Variants in TMEM132D observed in about 807,000 individuals in gnomAD.
TMEM132D encodes transmembrane protein 132D, also known as mature OL transmembrane protein.
TMEM132D carries 21 observed loss-of-function variants against 62.3 expected under a neutral mutation model. That is an observed-to-expected ratio of 0.34 (90% CI 0.24 to 0.49). The LOEUF (loss-of-function observed/expected upper bound fraction) is 0.49. Ranked by LOEUF, TMEM132D falls within the 20% of genes least tolerant of loss-of-function variation. TMEM132D has a pLI of 0.99. For synonymous variants in TMEM132D, 621 were observed against 575.6 expected, an observed-to-expected ratio of 1.08 and a Z score of -1.13; for missense variants, 1,346 against 1,402.8, an observed-to-expected ratio of 0.96 and a Z score of 0.65.
chr12:129,794,130 C>T (rs554893543), intron 1 of TMEM132D, among the ~76,000 whole-genome samples: 75 of 150,926 alleles, frequency 5.0e-4, no homozygotes, highest in African/African-American at 1.8e-3. Context: ...GCTCTGTCAC[C>T]CAGGCTGGAG....
chr12:129,560,785 A>G (rs1877201999), intron 2 of TMEM132D, among the ~76,000 whole-genome samples: 1 of 152,252 alleles, frequency 6.6e-6, no homozygotes, highest in Non-Finnish European at 1.5e-5. Context: ...GGGAGAGTCA[A>G]GAGTGGCTCT....
At chr12:129,430,853 T>C (rs754907831) in intron 3 of TMEM132D, among the ~76,000 whole-genome samples, 5 of 152,070 alleles carry the variant, frequency 3.3e-5, no homozygotes, top group Non-Finnish European at 7.4e-5. Context: ...CTCCTTAAAA[T>C]GGGGGAGGTA....
At chr12:129,388,755 A>G (rs201029193) in intron 3 of TMEM132D, among the ~76,000 whole-genome samples, 2 of 126,608 alleles carry the variant, frequency 1.6e-5, no homozygotes, top group Admixed American at 1.6e-4. Context: ...CAGCAACACC[A>G]ATACTAACAC....
chr12:129,243,603 T>C (rs1308842869), intron 4 of TMEM132D, among the ~76,000 whole-genome samples: 1 of 152,236 alleles, frequency 6.6e-6, no homozygotes, highest in Non-Finnish European at 1.5e-5. Flanking sequence ...GGAAACAGTT[T>C]GGCCTTTGGC....
At chr12:129,398,582 AG>A (rs1451952449) in intron 3 of TMEM132D, among the ~76,000 whole-genome samples, 1 of 152,182 alleles carries the variant, frequency 6.6e-6, no homozygotes, top group Non-Finnish European at 1.5e-5. Context: ...GCAAAGGAGG[AG>A]GGGGTTGGCT....
At chr12:129,864,682 C>T (rs1874003356) in intron 1 of TMEM132D, among the ~76,000 whole-genome samples, 2 of 152,194 alleles carry the variant, frequency 1.3e-5, no homozygotes, top group Non-Finnish European at 2.9e-5. Flanking sequence ...GATCAAGCTA[C>T]GCCTGAAGGT....
At chr12:129,168,913 GCTGA>G (rs1327173428) in intron 5 of TMEM132D, among the ~76,000 whole-genome samples, 1 of 152,114 alleles carries the variant, frequency 6.6e-6, no homozygotes, top group Non-Finnish European at 1.5e-5. Context: ...ACCCTGGAAG[GCTGA>G]CTGACTTCCT....
intron 2 of TMEM132D, among the ~76,000 whole-genome samples, chr12:129,619,522 G>A (rs1879007592): frequency 6.6e-6 from 1 of 152,070 alleles, no homozygotes; most frequent in Non-Finnish European, 1.5e-5. Flanking sequence ...TATTCCTAAG[G>A]GATTCATTTG....
chr12:129,752,116 C>A (rs1870016613), intron 1 of TMEM132D, among the ~76,000 whole-genome samples: 1 of 151,766 alleles, frequency 6.6e-6, no homozygotes, highest in Admixed American at 6.6e-5. Context: ...GATCATAACC[C>A]CAGCCATTCA....
chr12:129,488,609 G>T (rs1874660236), intron 3 of TMEM132D, among the ~76,000 whole-genome samples: 2 of 152,162 alleles, frequency 1.3e-5, no homozygotes. Flanking sequence ...GGAGGCAGAG[G>T]TTGCAGTGAG....
At chr12:129,310,665 C>T (rs141705524) in intron 4 of TMEM132D, among the ~76,000 whole-genome samples, 12 of 152,260 alleles carry the variant, frequency 7.9e-5, no homozygotes, top group Admixed American at 5.2e-4. Flanking sequence ...TCAGTACATC[C>T]GGTAAAAGGA....
At chr12:129,133,620 A>T (rs1003048358) in intron 5 of TMEM132D, among the ~76,000 whole-genome samples, 7 of 152,164 alleles carry the variant, frequency 4.6e-5, no homozygotes, top group African/African-American at 1.7e-4. Context: ...TCTGATTATG[A>T]TGGTGGTGGT....
At chr12:129,514,369 T>C (rs1593046117) in intron 3 of TMEM132D, among the ~76,000 whole-genome samples, 1 of 152,330 alleles carries the variant, frequency 6.6e-6, no homozygotes, top group Middle Eastern at 3.4e-3. Flanking sequence ...GACTCTTAAC[T>C]GATATAGAAA....
At chr12:129,783,521 A>G (rs576273504) in intron 1 of TMEM132D, among the ~76,000 whole-genome samples, 1 of 152,296 alleles carries the variant, frequency 6.6e-6, no homozygotes, top group South Asian at 2.1e-4. Context: ...TGAACAAACG[A>G]GAATTATATT....
chr12:129,108,698 C>T (rs1875583001), intron 5 of TMEM132D, among the ~76,000 whole-genome samples: 1 of 152,214 alleles, frequency 6.6e-6, no homozygotes, highest in Non-Finnish European at 1.5e-5. Flanking sequence ...TCCCAAACTT[C>T]AGCAGTGCTC....
At chr12:129,631,649 G>A (rs748011167) in intron 2 of TMEM132D, among the ~76,000 whole-genome samples, 4 of 152,208 alleles carry the variant, frequency 2.6e-5, no homozygotes, top group East Asian at 1.9e-4. Context: ...CCGGTGATGC[G>A]TCTGATAAAC....
intron 3 of TMEM132D, among the ~76,000 whole-genome samples, chr12:129,501,974 C>A (rs771799626): frequency 1.2e-4 from 18 of 151,158 alleles, no homozygotes; most frequent in Non-Finnish European, 1.8e-4. Flanking sequence ...CCCAGACTTA[C>A]AATACCCATT....
intron 1 of TMEM132D, among the ~76,000 whole-genome samples, chr12:129,832,151 A>G (rs1322537406): frequency 6.7e-6 from 1 of 148,694 alleles, no homozygotes; most frequent in Non-Finnish European, 1.5e-5. Flanking sequence ...CCTCCCAAAG[A>G]GCTGGGATTA....
chr12:129,531,254 G>A lies in TMEM132D; in HGVS notation c.969-49C>T, dbSNP rs370086615. 1,728 of 1,540,400 alleles carry A rather than the reference G, an allele frequency of 1.1e-3. 4 individuals are homozygous for A. Among genetic ancestry groups the A allele is most frequent in the Non-Finnish European group, 1.4e-3 (1,580 of 1,138,692 alleles). ...TCTGAGTCAGCTCTGGGGAATCCCC[G>A]GGTCATGCTGGTTCTGGGAACACGG... On this transcript the variant is annotated intron_variant, in intron 2 of 8. Transcript: ENST00000422113.
Sources: allele counts gnomAD v4.1 joint callset (sites outside exome capture counted in the v4.1 genomes callset), GRCh38; gene constraint gnomAD v4.1.1; transcripts MANE v1.5; gene names NCBI Gene and HGNC (gene_info 2026-07-23, HGNC 2026-07-21).